B3GAT1: variants seen among roughly 807,000 people sequenced by gnomAD.
B3GAT1 encodes the protein galactosylgalactosylxylosylprotein 3-beta-glucuronosyltransferase 1.
Under a neutral mutation model 28.4 loss-of-function variants are expected in B3GAT1, and 11 were observed. The ratio of observed to expected loss-of-function variants is 0.39; its 90% CI spans 0.24 to 0.64. The LOEUF is 0.64. B3GAT1 is among the 30% of genes least tolerant of loss of function. B3GAT1 has a pLI of 0.50. For missense variants in B3GAT1, 375 were observed against 491.0 expected, an observed-to-expected ratio of 0.76 and a Z score of 2.23; for synonymous variants, 255 against 223.1, an observed-to-expected ratio of 1.14 and a Z score of -1.27.
At chr11:134,405,482 C>A (rs1195797352) in intron 1 of B3GAT1, among the ~76,000 whole-genome samples, 1 of 152,218 alleles carries the variant, frequency 6.6e-6, no homozygotes, top group African/African-American at 2.4e-5. Flanking sequence ...TAATTTGCCG[C>A]CTGTGGCCTG....
intron 4 of B3GAT1, 77 bp from the exon 5 acceptor site, chr11:134,382,101 C>T: frequency 8.3e-7 from 1 of 1,202,454 alleles, no homozygotes; most frequent in Non-Finnish European, 1.2e-6. Flanking sequence ...CCCTCCCACA[C>T]TGTGTAAACA....
chr11:134,392,683 C>G (rs1410549902), intron 1 of B3GAT1, among the ~76,000 whole-genome samples: 3 of 152,098 alleles, frequency 2.0e-5, no homozygotes, highest in African/African-American at 7.2e-5. Flanking sequence ...AGGAATTTGT[C>G]TATGGGTTTT....
chr11:134,410,668 C>G (rs961275045), intron 1 of B3GAT1, among the ~76,000 whole-genome samples: 37 of 152,332 alleles, frequency 2.4e-4, no homozygotes, highest in Admixed American at 1.8e-3. Flanking sequence ...GGTAGGGCGA[C>G]ATAAGCACAG....
At chr11:134,405,722 T>C (rs1944718751) in intron 1 of B3GAT1, among the ~76,000 whole-genome samples, 1 of 151,694 alleles carries the variant, frequency 6.6e-6, no homozygotes, top group Non-Finnish European at 1.5e-5. Flanking sequence ...GAAATTGCTC[T>C]GTGGCCCCTA....
chr11:134,405,193 G>A (rs1387487862), intron 1 of B3GAT1, among the ~76,000 whole-genome samples: 2 of 152,106 alleles, frequency 1.3e-5, no homozygotes, highest in Admixed American at 6.5e-5. Context: ...ACCCAGCACC[G>A]GCACTCCTTG....
At chr11:134,384,863 G>C (rs1426945540) in intron 2 of B3GAT1, 1 of 152,120 alleles carries the variant, frequency 6.6e-6, no homozygotes, top group East Asian at 1.9e-4. Flanking sequence ...GTCCTAGCAA[G>C]AGGAGAAATC....
At chr11:134,392,792 G>A (rs891490802) in intron 1 of B3GAT1, among the ~76,000 whole-genome samples, 4 of 152,222 alleles carry the variant, frequency 2.6e-5, no homozygotes, top group African/African-American at 4.8e-5. Flanking sequence ...TGAGGCTGGA[G>A]CATGTGCAGG....
chr11:134,402,291 G>A lies in B3GAT1; in HGVS notation c.-282+9516C>T, dbSNP rs1944631869. On this transcript the variant is annotated intron_variant, in intron 1 of 5. Transcript: ENST00000312527. ...CCGTCACCCTGCCCAGTCTGGTCCT[G>A]TGTCTCTGCCCAGCTTCCCAGAAAG... Among the ~76,000 whole-genome samples the A allele has an allele frequency of 2.0e-5, 3 of 152,154 alleles. No homozygotes were observed. In the South Asian group the frequency reaches 6.2e-4, roughly 31 times the overall value.
rs145216044 is a variant in B3GAT1 at position 134,383,012 on chromosome 11, A to AG, written c.622-7dup. Reference sequence around the variant, plus strand: ...ACCCTCCTGGTGCTGCGCATCTACAAGGGGGGGGTCCAGAGTCAGGGCGCC... The same window carrying AG: ...ACCCTCCTGGTGCTGCGCATCTACAAGGGGGGGGGTCCAGAGTCAGGGCGCC... On this transcript the variant is annotated splice_polypyrimidine_tract_variant and splice_region_variant and intron_variant, in intron 3 of 5. Coordinates refer to ENST00000312527, the MANE Select transcript of B3GAT1 (RefSeq NM_054025.3). 0.048 allele frequency: 74,779 copies of AG among 1,542,154 alleles called. 2,444 individuals are homozygous for AG. The highest frequency in any genetic ancestry group is 0.16 in the African/African-American group (11,804 of 73,160).
rs1443341828 is a variant in B3GAT1 at position 134,412,193 on chromosome 11, G to A, written c.-668C>T. Among the ~76,000 whole-genome samples the A allele has an allele frequency of 1.4e-5, 2 of 145,156 alleles. No homozygotes were observed. The highest frequency in any genetic ancestry group is 3.1e-5 in the Non-Finnish European group (2 of 65,398). ...GGCCGGAGCCGAGCCGACCGGGCCG[G>A]CGCAGAGTCCCCGAGGTGGCGGCGG... On this transcript the variant is annotated 5_prime_UTR_variant, in exon 1 of 6. Coordinates refer to ENST00000312527, the MANE Select transcript of B3GAT1 (RefSeq NM_054025.3).
Position 134,379,280 on chromosome 11 carries a change from G to C in B3GAT1, c.*1482C>G, listed in dbSNP as rs1944075822. The C allele has an allele frequency of 6.6e-6, 1 of 152,104 alleles. No homozygotes were observed. The highest frequency in any genetic ancestry group is 2.1e-4 in the South Asian group (1 of 4,788). The allele number at this position is 152,104 out of a possible 1,614,324, so 9.4% of individuals were successfully genotyped here. On this transcript the variant is annotated 3_prime_UTR_variant, in exon 6 of 6. Coordinates refer to ENST00000312527, the MANE Select transcript of B3GAT1 (RefSeq NM_054025.3). ...CTGAATGGCCCTCAGACCTCTCCTG[G>C]TGAGTCTTAATGGGGTGGGAGGCTG...
intron 5 of B3GAT1, 153 bp downstream of exon 5, chr11:134,381,771 G>A (rs1565447621): frequency 8.0e-6 from 5 of 626,292 alleles, no homozygotes; most frequent in Non-Finnish European, 1.4e-5. Flanking sequence ...GGCCCAGTGG[G>A]AAGGGGACTG....
chr11:134,401,367 G>A (rs556355018), intron 1 of B3GAT1, among the ~76,000 whole-genome samples: 17 of 152,218 alleles, frequency 1.1e-4, no homozygotes, highest in Middle Eastern at 6.8e-3. Context: ...ACGAAGACGT[G>A]GTACACATAC....
intron 1 of B3GAT1, among the ~76,000 whole-genome samples, chr11:134,398,942 T>C (rs1017992933): frequency 6.6e-6 from 1 of 152,210 alleles, no homozygotes; most frequent in Non-Finnish European, 1.5e-5. Flanking sequence ...TGAGCTGATA[T>C]GATAATGGAT....
chr11:134,409,153 G>A (rs563321147), intron 1 of B3GAT1, among the ~76,000 whole-genome samples: 2 of 152,310 alleles, frequency 1.3e-5, no homozygotes, highest in East Asian at 3.9e-4. Flanking sequence ...CCAGGAAGCC[G>A]GGGCTTAGAG....
chr11:134,407,189 G>GTTTCT (rs1363632136), intron 1 of B3GAT1, among the ~76,000 whole-genome samples: 1 of 152,210 alleles, frequency 6.6e-6, no homozygotes. Flanking sequence ...AACAGTTTCT[G>GTTTCT]AACAATGGAC....
chr11:134,385,187 GCA>G (rs1944247198), intron 2 of B3GAT1: 3 of 152,294 alleles, frequency 2.0e-5, no homozygotes, highest in Admixed American at 2.0e-4. Flanking sequence ...GCACCGCCAG[GCA>G]CAGTTTCCTC....
rs1474037492 is a variant in B3GAT1, at chr11:134,412,140, G to A, written c.-615C>T. On this transcript the variant is annotated 5_prime_UTR_variant, in exon 1 of 6. Coordinates refer to ENST00000312527, the MANE Select transcript of B3GAT1 (RefSeq NM_054025.3). ...GGGAGGGGGAGCGGGGAGCGGGCGCGGGGGCGAGAGGGGCGAGGGGGGCGC... is the reference window on the plus strand; with the variant it reads ...GGGAGGGGGAGCGGGGAGCGGGCGCAGGGGCGAGAGGGGCGAGGGGGGCGC... 6.9e-6 allele frequency among the ~76,000 whole-genome samples: 1 copy of A among 144,418 alleles called. No individual in the cohort carries two copies. The highest frequency in any genetic ancestry group is 2.1e-4 in the South Asian group (1 of 4,740). 94.7% of individuals were successfully genotyped at this position (144,418 alleles called of 152,430 possible). A position where few individuals can be genotyped will look rare whatever the true frequency, so the allele number is the denominator to read the frequency against.
rs199979409 is a variant in B3GAT1 at position 134,387,633 on chromosome 11, C to A, written c.27G>T (p.Ala9=). Residue 9 remains alanine, a synonymous_variant, in exon 2 of 6, where the codon GCG becomes GCT. Coordinates refer to ENST00000312527, the MANE Select transcript of B3GAT1 (RefSeq NM_054025.3). MPKRRDIL[A]IVLIVLPWTL... The stretch of plus-strand genomic sequence containing the variant: ...TCCAGGGCAGCACGATGAGGACGAT[C>A]GCTAGGATGTCCCGTCTCTTCGGCA... 5.6e-5 allele frequency: 91 copies of A among 1,614,138 alleles called. No homozygotes were observed. In the East Asian group the frequency reaches 1.3e-3, roughly 23 times the overall value.
Sources: gnomAD v4.1 joint callset for allele counts (sites outside exome capture counted in the v4.1 genomes callset) on GRCh38, gnomAD v4.1.1 for gene constraint, MANE v1.5 for transcripts, NCBI Gene and HGNC (gene_info 2026-07-23, HGNC 2026-07-21) for gene names.